Variants in KYAT1 observed in about 807,000 individuals in gnomAD.
The protein encoded by KYAT1 is kynurenine aminotransferase 1.
A neutral mutation model predicts 52.4 loss-of-function variants in KYAT1; 47 were observed. The ratio of observed to expected loss-of-function variants is 0.90; its 90% CI spans 0.71 to 1.14. The LOEUF is 1.14. Among genes scored for constraint, KYAT1 ranks in the 50% most tolerant of loss-of-function variants. KYAT1 has a pLI of 0.00. For synonymous variants in KYAT1, 212 were observed against 209.6 expected (o/e 1.01, Z -0.10); for missense variants, 480 against 557.9 (o/e 0.86, Z 1.41).
intron 1 of KYAT1, among the ~76,000 whole-genome samples, chr9:128,868,063 G>GCACTTGGC (rs1554815916): frequency 6.6e-6 from 1 of 151,132 alleles, no homozygotes; most frequent in African/African-American, 2.4e-5. Context: ...GTGAGCCACT[G>GCACTTGGC]CGCTTGGCCC....
chr9:128,864,672 G>A (rs1029626018), intron 1 of KYAT1, among the ~76,000 whole-genome samples: 4 of 152,078 alleles, frequency 2.6e-5, no homozygotes, highest in East Asian at 2.0e-4. Context: ...GCAGCAGCGC[G>A]ATCTCAGCTC....
chr9:128,867,225 T>C (rs1836522099), intron 1 of KYAT1, among the ~76,000 whole-genome samples: 1 of 152,174 alleles, frequency 6.6e-6, no homozygotes, highest in African/African-American at 2.4e-5. Flanking sequence ...TGTCACTCAG[T>C]CTGGAGTGCA....
Position 128,836,030 on chromosome 9 carries a change from G to A in KYAT1, c.732C>T (p.Ser244=), listed in dbSNP as rs575902771. ...GMWERTLTIG[S]AGKTFSATGW... is the part of the protein sequence containing the mutation. ...CAGTGGCGCTGAAGGTCTTGCCGGC[G>A]CTGCCGATGGTCAGGGTCCGTTCCC... The change falls in exon 8 of 13, where the codon AGC becomes AGT. Residue 244 remains serine (S), a synonymous_variant. Transcript: ENST00000302586. 1.5e-5 allele frequency: 24 copies of A among 1,613,830 alleles called. No individual in the cohort carries two copies. Among genetic ancestry groups the A allele is most frequent in the Middle Eastern group, 1.7e-4 (1 of 6,060 alleles).
intron 3 of KYAT1, among the ~76,000 whole-genome samples, chr9:128,838,983 G>C (rs1831647513): frequency 9.0e-6 from 1 of 111,162 alleles, no homozygotes; most frequent in Non-Finnish European, 1.8e-5. Context: ...TTTATTTTGA[G>C]ACAGGGTCTC....
chr9:128,859,996 G>A (rs1347171938), intron 1 of KYAT1: 1 of 152,172 alleles, frequency 6.6e-6, no homozygotes, highest in African/African-American at 2.4e-5. Flanking sequence ...TGCAAGAGGT[G>A]CCAGTAGCGT....
rs571010274 is a variant in KYAT1 at position 128,875,989 on chromosome 9, T to C, written c.-7+5908A>G. Among the ~76,000 whole-genome samples the C allele has an allele frequency of 2.3e-3, 348 of 151,984 alleles. 1 individual carries two copies. Among genetic ancestry groups the C allele is most frequent in the African/African-American group, 7.8e-3 (324 of 41,470 alleles). ...CTATGCCACTGTCCCCCAACCCCCA[T>C]TGGACCAGCTCTGCCCAGAAGCCTG... is the stretch of plus-strand genomic sequence containing the variant. On this transcript the variant is annotated intron_variant, in intron 1 of 12. Transcript: ENST00000302586.
At chr9:128,859,337 G>T (rs1835126624) in intron 1 of KYAT1, among the ~76,000 whole-genome samples, 1 of 151,260 alleles carries the variant, frequency 6.6e-6, no homozygotes, top group Admixed American at 6.6e-5. Flanking sequence ...CTCCAGCCTG[G>T]GCAACAGAGG....
upstream of KYAT1, chr9:128,882,236 G>A (rs1179621994): frequency 6.5e-6 from 1 of 152,946 alleles, no homozygotes; most frequent in East Asian, 1.9e-4. Context: ...GGGCGGCCGG[G>A]CGCGGCGAGC....
chr9:128,843,472 G>C (rs1041668654), intron 2 of KYAT1, among the ~76,000 whole-genome samples: 1 of 150,548 alleles, frequency 6.6e-6, no homozygotes, highest in Non-Finnish European at 1.5e-5. Flanking sequence ...TCCGCCTCCC[G>C]AGGTCAAGCG....
intron 1 of KYAT1, among the ~76,000 whole-genome samples, chr9:128,862,177 A>AT (rs1158689766): frequency 6.6e-6 from 1 of 152,082 alleles, no homozygotes; most frequent in East Asian, 1.9e-4. Flanking sequence ...TAATTTTTGT[A>AT]TTTTTTGTAG....
intron 1 of KYAT1, among the ~76,000 whole-genome samples, chr9:128,855,985 G>A (rs185173555): frequency 2.6e-5 from 4 of 152,236 alleles, no homozygotes; most frequent in East Asian, 1.9e-4. Flanking sequence ...ATTAATGATC[G>A]TAGACAAACT....
At chr9:128,836,720 C>G in intron 7 of KYAT1, 82 bp downstream of exon 7, 1 of 1,511,916 alleles carries the variant, frequency 6.6e-7, no homozygotes, top group Admixed American at 1.9e-5. Flanking sequence ...GTTCTAACTA[C>G]CAGGCCTGCG....
At chr9:128,853,960 A>G (rs924872934) in intron 1 of KYAT1, among the ~76,000 whole-genome samples, 2 of 152,254 alleles carry the variant, frequency 1.3e-5, no homozygotes, top group Non-Finnish European at 2.9e-5. Flanking sequence ...ACTTATTCAC[A>G]TTTCATATGG....
intron 1 of KYAT1, among the ~76,000 whole-genome samples, chr9:128,873,074 TA>T (rs549497155): frequency 0.073 from 8,631 of 118,716 alleles, 348 homozygotes; most frequent in African/African-American, 0.14. Context: ...AGACTCCATT[TA>T]AAAAAAAAAA....
intron 1 of KYAT1, among the ~76,000 whole-genome samples, chr9:128,872,404 A>G (rs1413707813): frequency 6.6e-6 from 1 of 151,680 alleles, no homozygotes; most frequent in African/African-American, 2.4e-5. Context: ...AGATTGTGCC[A>G]CTGCACTCCA....
rs758700325 is a variant in KYAT1 at position 128,847,557 on chromosome 9, C to G, written c.-6-2146G>C. ...TCCCAGAGCCTTGGGGCACTGCAGACTTTTCCAGAGGCAGGGGAGAAGGGA... is the reference window on the plus strand; with the variant it reads ...TCCCAGAGCCTTGGGGCACTGCAGAGTTTTCCAGAGGCAGGGGAGAAGGGA... On this transcript the variant is annotated intron_variant, in intron 1 of 12. Coordinates refer to ENST00000302586, the MANE Select transcript of KYAT1 (RefSeq NM_004059.5). 4.4e-5 allele frequency: 66 copies of G among 1,498,644 alleles called. No homozygotes were observed. The African/African-American group carries it at 7.2e-4, about 16-fold the overall frequency. 92.8% of individuals were successfully genotyped at this position (1,498,644 alleles called of 1,614,324 possible).
At chr9:128,836,683 A>C (rs1206590685) in intron 7 of KYAT1, 119 bp downstream of exon 7, 1 of 1,186,852 alleles carries the variant, frequency 8.4e-7, no homozygotes, top group African/African-American at 1.5e-5. Flanking sequence ...CAAAGGTCAC[A>C]GGATCTGCAG....
intron 6 of KYAT1, among the ~76,000 whole-genome samples, chr9:128,837,381 T>A (rs1174493198): frequency 6.6e-6 from 1 of 152,228 alleles, no homozygotes; most frequent in Non-Finnish European, 1.5e-5. Flanking sequence ...ACACTGACCA[T>A]GAGGTCAGTT....
intron 3 of KYAT1, among the ~76,000 whole-genome samples, chr9:128,841,015 G>C (rs35455530): frequency 3.4e-3 from 519 of 152,354 alleles, no homozygotes; most frequent in Middle Eastern, 0.01. Flanking sequence ...CAGTCCATCA[G>C]TGCAGAACTG....
Sources: gnomAD v4.1 joint callset for allele counts (sites outside exome capture counted in the v4.1 genomes callset) on GRCh38, gnomAD v4.1.1 for gene constraint, MANE v1.5 for transcripts, NCBI Gene and HGNC (gene_info 2026-07-23, HGNC 2026-07-21) for gene names.